SHQ1: variants seen among roughly 807,000 people sequenced by gnomAD.
SHQ1 encodes protein SHQ1 homolog.
Under a neutral mutation model 53.8 loss-of-function variants are expected in SHQ1, and 49 were observed. The observed-to-expected ratio is 0.91, with a 90% CI of 0.72 to 1.16. SHQ1 has a LOEUF of 1.16. SHQ1 is among the 50% of genes most tolerant of loss of function. The probability of loss-of-function intolerance (pLI) is 0.00; values close to 1 mark genes in which losing one functional copy is unlikely to be tolerated. For missense variants in SHQ1, 738 were observed against 683.1 expected (o/e 1.08, Z -0.90); for synonymous variants, 243 against 251.0 (o/e 0.97, Z 0.30).
At chr3:72,792,682 G>A (rs1247924382) in intron 10 of SHQ1, among the ~76,000 whole-genome samples, 1 of 151,456 alleles carries the variant, frequency 6.6e-6, no homozygotes, top group Non-Finnish European at 1.5e-5. Context: ...CTACTCGGGA[G>A]GCAGAGGCAC....
At chr3:72,785,443 T>C (rs1380982675) in intron 10 of SHQ1, among the ~76,000 whole-genome samples, 1 of 152,192 alleles carries the variant, frequency 6.6e-6, no homozygotes, top group South Asian at 2.1e-4. Flanking sequence ...GGAGGTCACA[T>C]AGCGAAATTC....
chr3:72,746,134 C>T (rs1048228644), downstream of SHQ1, among the ~76,000 whole-genome samples: 2 of 152,200 alleles, frequency 1.3e-5, no homozygotes, highest in South Asian at 2.1e-4. Flanking sequence ...TGAGCCATCG[C>T]GCCCAGCCCC....
rs1464648182 is a variant in SHQ1, at chr3:72,750,731, G to A, written c.1287C>T (p.Val429=). 11 of 1,557,230 alleles carry A rather than the reference G, an allele frequency of 7.1e-6. No individual in the cohort carries two copies. Among genetic ancestry groups the A allele is most frequent in the African/African-American group, 1.4e-5 (1 of 73,092 alleles). Residue 429 remains valine, a synonymous_variant, in exon 11 of 11, where the codon GTC becomes GTT. Transcript: ENST00000325599. ...LEELEAAALL[V]QEEETALKAA... ...CTTTTAATGCAGTTTCTTCCTCCTG[G>A]ACAAGCAGTGCTGCTGCTTCTAGTT...
At chr3:72,813,960 T>C (rs1707221906) in intron 8 of SHQ1, among the ~76,000 whole-genome samples, 1 of 151,540 alleles carries the variant, frequency 6.6e-6, no homozygotes, top group Non-Finnish European at 1.5e-5. Context: ...CTGATAACAT[T>C]AGCAATTCAA....
At chr3:72,765,719 A>G (rs1342482901) in intron 10 of SHQ1, among the ~76,000 whole-genome samples, 1 of 151,444 alleles carries the variant, frequency 6.6e-6, no homozygotes, top group Non-Finnish European at 1.5e-5. Context: ...ACACCCAGCT[A>G]ATTTTTGTAT....
rs773528974 is a variant in SHQ1, at chr3:72,848,347, AC to A, written c.-8del. On this transcript the variant is annotated 5_prime_UTR_variant, in exon 1 of 11. Coordinates refer to ENST00000325599, the MANE Select transcript of SHQ1 (RefSeq NM_018130.3). ...CGAACGCCGGGGTCAGCATCGCCGC[AC>A]CGGACGCAAGGGCCGGCGCCGCTCG... 1 of 1,613,342 alleles carries A rather than the reference AC, an allele frequency of 6.2e-7. No individual in the cohort carries two copies.
chr3:72,836,898 G>A (rs1257870799), intron 4 of SHQ1, among the ~76,000 whole-genome samples: 1 of 152,214 alleles, frequency 6.6e-6, no homozygotes, highest in Non-Finnish European at 1.5e-5. Context: ...GTTTATGGAA[G>A]TTTAGGCACA....
chr3:72,734,330 C>T, the SHQ1 span, among the ~76,000 whole-genome samples: 1 of 151,140 alleles, frequency 6.6e-6, no homozygotes, highest in East Asian at 2.0e-4. Context: ...GATCTCGACT[C>T]ACTACAACCT....
At chr3:72,802,348 T>G (rs1706814497) in intron 9 of SHQ1, among the ~76,000 whole-genome samples, 1 of 152,176 alleles carries the variant, frequency 6.6e-6, no homozygotes, top group Non-Finnish European at 1.5e-5. Flanking sequence ...AACCTCACCC[T>G]TCTCAATGAC....
intron 10 of SHQ1, among the ~76,000 whole-genome samples, chr3:72,766,550 G>A (rs1186984494): frequency 6.6e-6 from 1 of 152,156 alleles, no homozygotes; most frequent in Non-Finnish European, 1.5e-5. Context: ...GTCCAAGTCA[G>A]AATTTTATGT....
At chr3:72,822,367 G>A (rs1293500659) in intron 6 of SHQ1, among the ~76,000 whole-genome samples, 1 of 152,176 alleles carries the variant, frequency 6.6e-6, no homozygotes, top group Non-Finnish European at 1.5e-5. Flanking sequence ...GTCAGATGAA[G>A]GGTCAGGAGG....
chr3:72,732,600 G>A, the SHQ1 span, among the ~76,000 whole-genome samples: 65 of 151,004 alleles, frequency 4.3e-4, no homozygotes, highest in African/African-American at 1.5e-3. Flanking sequence ...TGGACTCCAA[G>A]TGACTTGCTT....
chr3:72,838,951 T>TAA (rs553872568), intron 4 of SHQ1, among the ~76,000 whole-genome samples: 12 of 136,534 alleles, frequency 8.8e-5, no homozygotes, highest in African/African-American at 1.6e-4. Flanking sequence ...TATAGCAGCT[T>TAA]AAAAAAAAAA....
chr3:72,836,457 C>A (rs1476964283), intron 4 of SHQ1, among the ~76,000 whole-genome samples: 3 of 152,060 alleles, frequency 2.0e-5, no homozygotes, highest in Non-Finnish European at 4.4e-5. Context: ...CCACTGCACT[C>A]CAGCCTGGGC....
At chr3:72,828,874 A>G (rs1202566750) in intron 5 of SHQ1, among the ~76,000 whole-genome samples, 1 of 152,146 alleles carries the variant, frequency 6.6e-6, no homozygotes, top group Non-Finnish European at 1.5e-5. Context: ...GCAGAAGAGC[A>G]CCAAGGACAG....
intron 9 of SHQ1, among the ~76,000 whole-genome samples, chr3:72,804,123 T>C (rs1039485473): frequency 6.6e-6 from 1 of 152,034 alleles, no homozygotes; most frequent in Non-Finnish European, 1.5e-5. Context: ...AAGGTCTCAC[T>C]ATGTTGCCCA....
intron 2 of SHQ1, among the ~76,000 whole-genome samples, chr3:72,843,047 A>G (rs1369407505): frequency 6.6e-6 from 1 of 151,826 alleles, no homozygotes; most frequent in Non-Finnish European, 1.5e-5. Flanking sequence ...ACTGCACTCC[A>G]GCCTGGGCAA....
At chr3:72,725,964 T>A in the SHQ1 span, among the ~76,000 whole-genome samples, 1 of 152,126 alleles carries the variant, frequency 6.6e-6, no homozygotes. Context: ...AACAATCGTG[T>A]GAGGGCTAAT....
At chr3:72,767,984 G>C (rs1044919445) in intron 10 of SHQ1, among the ~76,000 whole-genome samples, 2 of 152,098 alleles carry the variant, frequency 1.3e-5, no homozygotes, top group African/African-American at 2.4e-5. Context: ...AGGGAGTCTG[G>C]GTGGTTTTTT....
Sources: allele counts gnomAD v4.1 joint callset (sites outside exome capture counted in the v4.1 genomes callset), GRCh38; gene constraint gnomAD v4.1.1; transcripts MANE v1.5; gene names NCBI Gene and HGNC (gene_info 2026-07-23, HGNC 2026-07-21).